The following SLC22A4 variants were observed in gnomAD, a reference collection of about 807,000 sequenced individuals.
SLC22A4 encodes the protein ET transporter.
Under a neutral mutation model 56.6 loss-of-function variants are expected in SLC22A4, and 39 were observed. The observed-to-expected ratio is 0.69, with a 90% CI of 0.53 to 0.90. SLC22A4 has a LOEUF of 0.90. Ranked by LOEUF, SLC22A4 falls within the 40% of genes least tolerant of loss-of-function variation. The pLI is 0.00. For missense variants in SLC22A4, 594 were observed against 696.5 expected (o/e 0.85, Z 1.66); for synonymous variants, 241 against 281.4 (o/e 0.86, Z 1.44).
chr5:132,326,327 A>C (rs1234971166), intron 4 of SLC22A4, among the ~76,000 whole-genome samples: 1 of 152,212 alleles, frequency 6.6e-6, no homozygotes, highest in Non-Finnish European at 1.5e-5. Flanking sequence ...CACAAAACCT[A>C]TTTTATAATT....
In SLC22A4 at chr5:132,294,793, C is replaced by T. The variant is rs2126694457; in HGVS notation, c.177C>T (p.Ser59=). The part of the protein sequence containing the change: ...RCRVPDAANL[S]SAWRNNSVPL... ...GAGTGCCGGACGCCGCGAACCTGAG[C>T]AGCGCCTGGCGCAACAACAGTGTCC... is the stretch of plus-strand genomic sequence containing the variant. The change falls in exon 1 of 10, where the codon AGC becomes AGT. Residue 59 remains serine, a synonymous_variant. Transcript: ENST00000200652. The surrounding 1 kb of genome is among the most constrained non-coding windows in gnomAD (Gnocchi z 5.6). 1 of 1,613,106 alleles carries T rather than the reference C, an allele frequency of 6.2e-7. No homozygotes were observed. Among genetic ancestry groups the T allele is most frequent in the African/African-American group, 1.3e-5 (1 of 75,056 alleles).
At chr5:132,329,358 G>A (rs576929708) in intron 5 of SLC22A4, among the ~76,000 whole-genome samples, 10 of 152,040 alleles carry the variant, frequency 6.6e-5, no homozygotes, top group East Asian at 3.9e-4. Context: ...CTCACCTCCC[G>A]TAGGATCCTC....
chr5:132,343,260 A>G (rs1488570919), intron 9 of SLC22A4, among the ~76,000 whole-genome samples: 1 of 152,218 alleles, frequency 6.6e-6, no homozygotes, highest in African/African-American at 2.4e-5. Flanking sequence ...AAATTTGGGC[A>G]TATCACTTAA....
At chr5:132,315,363 C>T (rs444293) in intron 3 of SLC22A4, among the ~76,000 whole-genome samples, 4 of 152,262 alleles carry the variant, frequency 2.6e-5, no homozygotes, top group Admixed American at 2.0e-4. Flanking sequence ...AAGCTCTCTC[C>T]GTGGGAATGG....
chr5:132,342,470 C>T (rs901902551), intron 9 of SLC22A4, among the ~76,000 whole-genome samples: 3 of 152,210 alleles, frequency 2.0e-5, no homozygotes, highest in Non-Finnish European at 2.9e-5. Context: ...CCAATTCTGA[C>T]ACCTATTGAG....
chr5:132,313,894 C>A, intron 3 of SLC22A4, 126 bp downstream of exon 3: 2 of 1,036,840 alleles, frequency 1.9e-6, no homozygotes, highest in Non-Finnish European at 3.0e-6. Context: ...TGGGAGGGAG[C>A]CGTAGCCACA....
chr5:132,342,354 GA>G (rs35042080), intron 9 of SLC22A4, among the ~76,000 whole-genome samples: 1 of 152,120 alleles, frequency 6.6e-6, no homozygotes, highest in Non-Finnish European at 1.5e-5. Flanking sequence ...ATATATACAT[GA>G]AAAAAGTTAT....
intron 5 of SLC22A4, among the ~76,000 whole-genome samples, chr5:132,330,902 C>CTA (rs1465756097): frequency 6.6e-6 from 1 of 151,930 alleles, no homozygotes; most frequent in Non-Finnish European, 1.5e-5. Flanking sequence ...CTGTGCTAAG[C>CTA]TATATATATA....
chr5:132,304,409 G>A (rs879631833), intron 1 of SLC22A4, among the ~76,000 whole-genome samples: 7 of 152,198 alleles, frequency 4.6e-5, no homozygotes, highest in Non-Finnish European at 7.3e-5. Flanking sequence ...CTGAGGCCGG[G>A]AGTTTGAGAC....
intron 6 of SLC22A4, chr5:132,332,117 G>A (rs1170294235): frequency 1.3e-5 from 5 of 396,746 alleles, no homozygotes; most frequent in Admixed American, 1.1e-4. Context: ...AGTTCGAGAC[G>A]AATCTAGCCA....
At chr5:132,326,814 A>C (rs71583475) in intron 4 of SLC22A4, among the ~76,000 whole-genome samples, 11,648 of 152,312 alleles carry the variant, frequency 0.076, 567 homozygotes, top group East Asian at 0.27. Context: ...GAAACGATCA[A>C]GAACACAGGT....
chr5:132,321,394 C>T (rs539893104), intron 3 of SLC22A4, among the ~76,000 whole-genome samples: 4 of 152,200 alleles, frequency 2.6e-5, no homozygotes, highest in Non-Finnish European at 5.9e-5. Context: ...GAACTCTCCA[C>T]TGCTTCCTGA....
chr5:132,335,633 C>T (rs984901929), intron 7 of SLC22A4, among the ~76,000 whole-genome samples, 185 bp from the exon 8 acceptor site: 1 of 152,192 alleles, frequency 6.6e-6, no homozygotes, highest in Non-Finnish European at 1.5e-5. Flanking sequence ...AAAGCCACCC[C>T]TCACATGAGC....
intron 5 of SLC22A4, among the ~76,000 whole-genome samples, chr5:132,331,071 C>G (rs1487360377): frequency 6.6e-6 from 1 of 152,076 alleles, no homozygotes; most frequent in African/African-American, 2.4e-5. Flanking sequence ...AAAAGCAAGG[C>G]TGGGTAATCC....
chr5:132,314,912 A>T (rs1273464519), intron 3 of SLC22A4, among the ~76,000 whole-genome samples: 2 of 152,198 alleles, frequency 1.3e-5, no homozygotes, highest in African/African-American at 4.8e-5. Context: ...CTGGAGCCAC[A>T]TGGTCCCAGC....
chr5:132,312,643 G>A (rs756549055), intron 2 of SLC22A4, among the ~76,000 whole-genome samples: 10 of 152,216 alleles, frequency 6.6e-5, no homozygotes, highest in Non-Finnish European at 1.3e-4. Context: ...GGATCTGTCT[G>A]CAAACAGCCA....
intron 4 of SLC22A4, chr5:132,324,406 C>A: frequency 2.3e-6 from 1 of 426,878 alleles, no homozygotes; most frequent in Non-Finnish European, 4.9e-6. Flanking sequence ...AAGGTCCATC[C>A]CACAGGGAGC....
In SLC22A4 at chr5:132,312,146, T is replaced by G. The variant is rs1191983812; in HGVS notation, c.394-15T>G. 6.5e-7 allele frequency: 1 copy of G among 1,539,672 alleles called. No individual in the cohort carries two copies. Among genetic ancestry groups the G allele is most frequent in the South Asian group, 1.1e-5 (1 of 89,578 alleles). ...TCAGGGTTGGGCTCACGCTTCATGC[T>G]GTCTTCCTTGGCAGTGGAATCTGGT... On this transcript the variant is annotated splice_polypyrimidine_tract_variant and intron_variant, in intron 1 of 9. Transcript: ENST00000200652.
At chr5:132,321,795 C>T (rs919406025) in intron 3 of SLC22A4, among the ~76,000 whole-genome samples, 1 of 152,076 alleles carries the variant, frequency 6.6e-6, no homozygotes, top group Non-Finnish European at 1.5e-5. Context: ...GTAGTTCCAG[C>T]TGTTCGGAAG....
Sources: allele counts gnomAD v4.1 joint callset (sites outside exome capture counted in the v4.1 genomes callset), GRCh38; gene constraint gnomAD v4.1.1; non-coding constraint Gnocchi (gnomAD v3.1); transcripts MANE v1.5; gene names NCBI Gene and HGNC (gene_info 2026-07-23, HGNC 2026-07-21).